Variants in CDC14A observed in about 807,000 individuals in gnomAD.
CDC14A encodes cell division cycle 14A, also known as dual specificity protein phosphatase CDC14A.
A neutral mutation model predicts 74.4 loss-of-function variants in CDC14A; 53 were observed. The ratio of observed to expected loss-of-function variants is 0.71; its 90% CI spans 0.57 to 0.89. The LOEUF (loss-of-function observed/expected upper bound fraction) is 0.89. CDC14A is among the 40% of genes least tolerant of loss of function. CDC14A has a pLI of 0.00. For synonymous variants in CDC14A, 247 were observed against 258.4 expected (o/e 0.96, Z 0.43); for missense variants, 646 against 713.7 (o/e 0.91, Z 1.08).
intron 8 of CDC14A, chr1:100,462,418 C>T (rs1213390402): frequency 6.0e-6 from 3 of 499,524 alleles, no homozygotes; most frequent in Admixed American, 6.8e-5. Context: ...AGATTTTGAA[C>T]TTTAATGATG....
intron 10 of CDC14A, among the ~76,000 whole-genome samples, chr1:100,471,053 TATATCATA>T (rs1668348851): frequency 6.6e-6 from 1 of 152,098 alleles, no homozygotes; most frequent in African/African-American, 2.4e-5. Context: ...TATGAGTGAA[TATATCATA>T]ATATGTTCAT....
chr1:100,404,022 G>A (rs1478928311), intron 4 of CDC14A, among the ~76,000 whole-genome samples: 1 of 152,092 alleles, frequency 6.6e-6, no homozygotes, highest in African/African-American at 2.4e-5. Context: ...ATTTGATAGA[G>A]TGAGTAAAAT....
chr1:100,421,326 CA>C (rs2101071899), intron 4 of CDC14A, among the ~76,000 whole-genome samples: 1 of 152,162 alleles, frequency 6.6e-6, no homozygotes, highest in East Asian at 1.9e-4. Flanking sequence ...TGAGAGAAGG[CA>C]AAAATATTTT....
chr1:100,499,193 C>A lies in CDC14A; in HGVS notation c.1686C>A (p.Thr562=). ...ACAGCGCCAAGACAGAGGAGCACACCACCATCCTCCGACCCTCCTACACCG... is the reference window on the plus strand; with the variant it reads ...ACAGCGCCAAGACAGAGGAGCACACAACCATCCTCCGACCCTCCTACACCG... ...GPHSAKTEEH[T]TILRPSYTGL... is the part of the protein sequence containing the mutation. Residue 562 remains threonine, a synonymous_variant, in exon 15 of 16, where the codon ACC becomes ACA. Coordinates refer to ENST00000336454, the MANE Select transcript of CDC14A (RefSeq NM_003672.4). The A allele has an allele frequency of 6.2e-7, 1 of 1,614,158 alleles. No individual in the cohort carries two copies. Among genetic ancestry groups the A allele is most frequent in the Non-Finnish European group, 8.5e-7 (1 of 1,180,022 alleles).
rs776797511 is a variant in CDC14A at position 100,462,894 on chromosome 1, C to A, written c.838+13C>A. The A allele has an allele frequency of 2.5e-6, 4 of 1,599,154 alleles. No homozygotes were observed. The highest frequency in any genetic ancestry group is 1.7e-4 in the Middle Eastern group (1 of 6,018). On this transcript the variant is annotated intron_variant, in intron 9 of 15. Transcript: ENST00000336454. ...GTTCACTGCAAAGGTGTGTGCAAGG[C>A]CTCGGTGGTGGTGGCTGTGCTTATC...
chr1:100,353,104 G>A (rs1651344440), intron 1 of CDC14A, 101 bp downstream of exon 1: 4 of 1,307,738 alleles, frequency 3.1e-6, no homozygotes, highest in Admixed American at 3.8e-5. Context: ...CCAGTGTCCT[G>A]CAGCCGCTGC....
At chr1:100,445,035 A>G (rs1665383067) in intron 7 of CDC14A, among the ~76,000 whole-genome samples, 1 of 152,360 alleles carries the variant, frequency 6.6e-6, no homozygotes, top group African/African-American at 2.4e-5. Flanking sequence ...ATGTACTTAT[A>G]AGAAAGAAGG....
intron 8 of CDC14A, among the ~76,000 whole-genome samples, chr1:100,461,997 T>G (rs1667363478): frequency 6.6e-6 from 1 of 152,230 alleles, no homozygotes; most frequent in Non-Finnish European, 1.5e-5. Flanking sequence ...GTTATTATAG[T>G]CACTATGTTG....
intron 8 of CDC14A, among the ~76,000 whole-genome samples, chr1:100,458,445 T>C (rs1666952577): frequency 6.6e-6 from 1 of 152,188 alleles, no homozygotes; most frequent in Non-Finnish European, 1.5e-5. Flanking sequence ...CATAAAAAAA[T>C]CTGAAAGTAC....
chr1:100,377,283 GC>G (rs1463132356), intron 2 of CDC14A, among the ~76,000 whole-genome samples: 1 of 152,086 alleles, frequency 6.6e-6, no homozygotes, highest in Non-Finnish European at 1.5e-5. Flanking sequence ...CAGGCAGTCT[GC>G]CTGCCCCAGC....
At chr1:100,464,134 G>A (rs1386998735) in intron 9 of CDC14A, among the ~76,000 whole-genome samples, 2 of 152,198 alleles carry the variant, frequency 1.3e-5, no homozygotes, top group African/African-American at 4.8e-5. Flanking sequence ...GAACATGTGA[G>A]CAAAAATGGG....
intron 6 of CDC14A, among the ~76,000 whole-genome samples, chr1:100,440,388 A>G (rs1664795985): frequency 6.6e-6 from 1 of 152,074 alleles, no homozygotes; most frequent in Non-Finnish European, 1.5e-5. Context: ...ACTAAAACAA[A>G]AACTCTGGGG....
chr1:100,386,751 T>C (rs922860150), intron 3 of CDC14A, among the ~76,000 whole-genome samples: 2 of 152,190 alleles, frequency 1.3e-5, no homozygotes, highest in African/African-American at 4.8e-5. Flanking sequence ...ATTCTCCTGA[T>C]ATTAGGGCAG....
At chr1:100,420,063 C>CACATATATAT in intron 4 of CDC14A, among the ~76,000 whole-genome samples, 136 of 61,576 alleles carry the variant, frequency 2.2e-3, no homozygotes, top group African/African-American at 3.7e-3. Flanking sequence ...CACACACACA[C>CACATATATAT]ATATATATAT....
intron 11 of CDC14A, among the ~76,000 whole-genome samples, chr1:100,486,702 C>T (rs1246240205): frequency 1.3e-5 from 2 of 152,148 alleles, no homozygotes; most frequent in Non-Finnish European, 2.9e-5. Flanking sequence ...ATAGCATCCC[C>T]CATCATTATT....
intron 7 of CDC14A, among the ~76,000 whole-genome samples, chr1:100,452,696 T>A (rs1032834710): frequency 3.9e-5 from 6 of 152,200 alleles, no homozygotes; most frequent in African/African-American, 1.4e-4. Context: ...TATTTTGGAT[T>A]TTTCTTACAG....
chr1:100,466,739 G>A (rs1026902501), intron 9 of CDC14A, among the ~76,000 whole-genome samples: 4 of 152,018 alleles, frequency 2.6e-5, no homozygotes, highest in African/African-American at 9.7e-5. Flanking sequence ...GCATGGTGGT[G>A]CATGCCTGTA....
rs1445639942 is a variant in CDC14A, at chr1:100,369,112, C to T, written c.141-8434C>T. Among the ~76,000 whole-genome samples the T allele has an allele frequency of 4.1e-5, 6 of 147,612 alleles. No individual in the cohort carries two copies. The East Asian group carries it at 1.2e-3, about 29-fold the overall frequency. On this transcript the variant is annotated intron_variant, in intron 2 of 15. Coordinates refer to ENST00000336454, the MANE Select transcript of CDC14A (RefSeq NM_003672.4). ...TTTTTTTTTGAGATGGAGTCTCGCT[C>T]TGTCGCCAGGCTGGAGTGCAGTGGC...
intron 15 of CDC14A, among the ~76,000 whole-genome samples, chr1:100,515,839 T>G (rs1650172809): frequency 6.6e-6 from 1 of 152,248 alleles, no homozygotes; most frequent in Admixed American, 6.5e-5. Flanking sequence ...TGGAACATGT[T>G]TTGTTTTGAG....
Sources: allele counts gnomAD v4.1 joint callset (sites outside exome capture counted in the v4.1 genomes callset), GRCh38; gene constraint gnomAD v4.1.1; transcripts MANE v1.5; gene names NCBI Gene and HGNC (gene_info 2026-07-23, HGNC 2026-07-21).